The following STAU1 variants were observed in gnomAD, a reference collection of about 807,000 sequenced individuals.
STAU1 encodes staufen double-stranded RNA binding protein 1.
A neutral mutation model predicts 62.9 loss-of-function variants in STAU1; 13 were observed. That is an observed-to-expected ratio of 0.21 (90% confidence interval 0.13 to 0.33). The LOEUF is 0.33. Ranked by LOEUF, STAU1 falls within the 10% of genes least tolerant of loss-of-function variation. The probability of loss-of-function intolerance (pLI) is 1.00; values close to 1 mark genes in which losing one functional copy is unlikely to be tolerated. For missense variants in STAU1, 571 were observed against 712.1 expected, an observed-to-expected ratio of 0.80 and a Z score of 2.25; for synonymous variants, 269 against 265.1, an observed-to-expected ratio of 1.01 and a Z score of -0.14.
At chr20:49,179,807 G>A (rs1393966888) in intron 1 of STAU1, among the ~76,000 whole-genome samples, 1 of 152,204 alleles carries the variant, frequency 6.6e-6, no homozygotes, top group Non-Finnish European at 1.5e-5. Context: ...AGCTAATATA[G>A]TGACAATGTA....
At chr20:49,131,035 A>G (rs968082629) in intron 6 of STAU1, among the ~76,000 whole-genome samples, 9 of 152,226 alleles carry the variant, frequency 5.9e-5, no homozygotes, top group Non-Finnish European at 8.8e-5. Context: ...ACAAAGTGAC[A>G]TGAAATGATG....
chr20:49,142,316 G>C (rs1433374739), intron 5 of STAU1, among the ~76,000 whole-genome samples: 1 of 151,992 alleles, frequency 6.6e-6, no homozygotes, highest in African/African-American at 2.4e-5. Context: ...TCGAACTCCT[G>C]ACCTCAGGTG....
At chr20:49,218,429 G>A in the STAU1 span, among the ~76,000 whole-genome samples, 2 of 151,362 alleles carry the variant, frequency 1.3e-5, no homozygotes. Context: ...GTTTCACCGT[G>A]TTAGCCAGGA....
intron 5 of STAU1, among the ~76,000 whole-genome samples, chr20:49,146,390 A>G (rs987221962): frequency 9.9e-5 from 15 of 152,210 alleles, no homozygotes; most frequent in African/African-American, 3.1e-4. Context: ...CATTTTTACA[A>G]AAGTATAAAA....
At chr20:49,124,938 C>T (rs1188069954) in intron 6 of STAU1, among the ~76,000 whole-genome samples, 2 of 151,830 alleles carry the variant, frequency 1.3e-5, no homozygotes, top group African/African-American at 4.8e-5. Flanking sequence ...AGTACAAATG[C>T]TCAAGTTTAG....
At chr20:49,219,070 A>C in the STAU1 span, among the ~76,000 whole-genome samples, 1 of 151,810 alleles carries the variant, frequency 6.6e-6, no homozygotes, top group Non-Finnish European at 1.5e-5. Context: ...TACCACCCAG[A>C]AGCAATCACA....
intron 1 of STAU1, among the ~76,000 whole-genome samples, chr20:49,185,934 C>T (rs1338531422): frequency 2.0e-5 from 3 of 151,868 alleles, no homozygotes; most frequent in Admixed American, 1.3e-4. Flanking sequence ...CTCCACCTCC[C>T]GGGTTCAAGC....
At chr20:49,166,334 T>C in intron 2 of STAU1, 49 bp from the exon 3 acceptor site, 1 of 718,846 alleles carries the variant, frequency 1.4e-6, no homozygotes, top group Non-Finnish European at 2.3e-6. Flanking sequence ...ATAGAGGAGA[T>C]ATGTAATTGC....
chr20:49,134,449 A>AAAAAAAAAAAAAAAAAAAAAAACT (rs2092828055), intron 6 of STAU1: 1 of 609,084 alleles, frequency 1.6e-6, no homozygotes, highest in Admixed American at 2.4e-5. Flanking sequence ...AAAAAAAAAA[A>AAAAAAAAAAAAAAAAAAAAAAACT]GCTCTGGGTT....
chr20:49,126,284 G>A (rs1600638620), intron 6 of STAU1, among the ~76,000 whole-genome samples: 1 of 151,760 alleles, frequency 6.6e-6, no homozygotes, highest in East Asian at 1.9e-4. Flanking sequence ...AAATCAGGCT[G>A]GGCAGGGTGG....
intron 12 of STAU1, among the ~76,000 whole-genome samples, chr20:49,116,696 T>G (rs1185947573): frequency 2.0e-5 from 3 of 152,214 alleles, no homozygotes; most frequent in Non-Finnish European, 4.4e-5. Context: ...ACAGTTTACT[T>G]AGATTTGTTG....
At chr20:49,147,679 G>T (rs561060421) in intron 5 of STAU1, among the ~76,000 whole-genome samples, 79 of 152,190 alleles carry the variant, frequency 5.2e-4, no homozygotes, top group African/African-American at 1.9e-3. Flanking sequence ...TTTATAAGAG[G>T]GAAAATGCAA....
At chr20:49,179,714 T>C (rs998221058) in intron 1 of STAU1, among the ~76,000 whole-genome samples, 58 of 152,208 alleles carry the variant, frequency 3.8e-4, no homozygotes, top group African/African-American at 1.3e-3. Context: ...TTGTAATCTA[T>C]AGAAGGCATG....
chr20:49,128,797 A>G (rs2092689797), intron 6 of STAU1, among the ~76,000 whole-genome samples: 1 of 151,084 alleles, frequency 6.6e-6, no homozygotes, highest in African/African-American at 2.4e-5. Flanking sequence ...AAAAAAAGAC[A>G]AAAACATCCC....
intron 3 of STAU1, among the ~76,000 whole-genome samples, chr20:49,165,790 C>T (rs549976677): frequency 6.6e-6 from 1 of 151,442 alleles, no homozygotes; most frequent in African/African-American, 2.4e-5. Context: ...CTCTTTCTCA[C>T]AACCTACAAT....
intron 5 of STAU1, among the ~76,000 whole-genome samples, chr20:49,150,667 A>G (rs1179893340): frequency 6.7e-6 from 1 of 149,734 alleles, no homozygotes; most frequent in Non-Finnish European, 1.5e-5. Context: ...AGCCACCTCA[A>G]TTTTTTTTTT....
At chr20:49,197,299 A>G in the STAU1 span, among the ~76,000 whole-genome samples, 8 of 151,044 alleles carry the variant, frequency 5.3e-5, no homozygotes, top group African/African-American at 1.5e-4. Flanking sequence ...CCATAAAGAG[A>G]ATGAAAAAGC....
At chr20:49,120,460 A>G (rs1205951910) in intron 8 of STAU1, among the ~76,000 whole-genome samples, 1 of 152,220 alleles carries the variant, frequency 6.6e-6, no homozygotes. Flanking sequence ...TGTGATGGTG[A>G]ACTACTGTAC....
At chr20:49,196,395 C>T in the STAU1 span, among the ~76,000 whole-genome samples, 1 of 150,036 alleles carries the variant, frequency 6.7e-6, no homozygotes, top group South Asian at 2.1e-4. Context: ...TGAGATCGCG[C>T]CACTGCACTC....
Sources: gnomAD v4.1 joint callset for allele counts (sites outside exome capture counted in the v4.1 genomes callset) on GRCh38, gnomAD v4.1.1 for gene constraint, MANE v1.5 for transcripts, NCBI Gene and HGNC (gene_info 2026-07-23, HGNC 2026-07-21) for gene names.